PZP: variants seen among roughly 807,000 people sequenced by gnomAD.
PZP encodes pregnancy zone protein.
Under a neutral mutation model 179.8 loss-of-function variants are expected in PZP, and 150 were observed. The observed-to-expected ratio is 0.83, with a 90% CI of 0.73 to 0.96. The LOEUF is 0.96. Ranked by LOEUF, PZP falls within the 40% of genes least tolerant of loss-of-function variation. The probability of loss-of-function intolerance (pLI) is 0.00; values close to 1 mark genes in which losing one functional copy is unlikely to be tolerated. For missense variants in PZP, 1,689 were observed against 1,764.0 expected (o/e 0.96, Z 0.76); for synonymous variants, 624 against 652.3 (o/e 0.96, Z 0.66).
At chr12:9,148,160 ATATATATTCAT>A (rs1272642978), downstream of PZP, among the ~76,000 whole-genome samples, 1 of 152,184 alleles carries the variant, frequency 6.6e-6, no homozygotes, top group African/African-American at 2.4e-5. Context: ...ACGTTTTGAA[ATATATATTCAT>A]TGTAGAATGG....
At chr12:9,184,473 G>C (rs1270434595) in intron 13 of PZP, among the ~76,000 whole-genome samples, 2 of 152,192 alleles carry the variant, frequency 1.3e-5, no homozygotes, top group Non-Finnish European at 2.9e-5. Flanking sequence ...CCAATCCCCT[G>C]AGTCATACTG....
chr12:9,169,503 G>A lies in PZP; in HGVS notation c.1928C>T (p.Pro643Leu), dbSNP rs1363260024. 1 of 1,612,732 alleles carries A rather than the reference G, an allele frequency of 6.2e-7. No individual in the cohort carries two copies. Among genetic ancestry groups the A allele is most frequent in the Non-Finnish European group, 8.5e-7 (1 of 1,179,152 alleles). Residue 643 changes from proline (P) to leucine (L), a missense_variant, in exon 16 of 36, where the codon CCT (proline) becomes CTT (leucine). This residue lies in a region of PZP where 201 missense variants were observed against 284.2 expected (regional missense o/e 0.71). Transcript: ENST00000261336. ...QEEEQGHCPR[P>L]FFIHNGAIYV... ...GATGGCTCCATTATGAATGAAGAAA[G>A]GACGGGGACAGTGTCCTTGTTCTTC...
chr12:9,186,086 A>G (rs765212626), intron 13 of PZP, among the ~76,000 whole-genome samples: 15 of 152,196 alleles, frequency 9.9e-5, no homozygotes, highest in South Asian at 4.2e-4. Flanking sequence ...GATTACAGGT[A>G]TGAGCCACTG....
At chr12:9,192,355 G>T in intron 12 of PZP, 99 bp from the exon 13 acceptor site, 1 of 1,343,546 alleles carries the variant, frequency 7.4e-7, no homozygotes, top group Non-Finnish European at 1.1e-6. Flanking sequence ...AGTCTGTGCT[G>T]GAGAGAATCA....
chr12:9,201,433 G>A, intron 4 of PZP, 86 bp from the exon 5 acceptor site: 1 of 1,026,984 alleles, frequency 9.7e-7, no homozygotes. Flanking sequence ...ACAAACTGAG[G>A]AAGAATATTA....
intron 17 of PZP, chr12:9,168,340 A>T (rs747363825): frequency 1.3e-5 from 2 of 152,366 alleles, no homozygotes; most frequent in Admixed American, 1.3e-4. Context: ...TTCATGAGAG[A>T]GGGATGACAA....
chr12:9,150,792 C>T (rs753909302), intron 33 of PZP, 46 bp from the exon 34 acceptor site: 1 of 1,215,200 alleles, frequency 8.2e-7, no homozygotes, highest in Non-Finnish European at 1.2e-6. Flanking sequence ...AAACCTCCTT[C>T]TTTCTCCCAT....
At position 9,160,398 on chromosome 12, in the gene PZP, T is replaced by C. The variant is rs937515980; in HGVS notation, c.2965A>G (p.Asn989Asp). The change falls in exon 24 of 36, where the codon AAC (asparagine) becomes GAC (aspartate). Residue 989 changes from asparagine (N) to aspartate (D), a missense_variant. This residue lies in a region of PZP where 746 missense variants were observed against 749.2 expected (regional missense o/e 1.00). Coordinates refer to ENST00000261336, the MANE Select transcript of PZP (RefSeq NM_002864.3). Reference protein sequence around the residue: ...GEQNMVLFAPNIYVLNYLNET... With the variant: ...GEQNMVLFAPDIYVLNYLNET... ...TTCAGATAGTTCAAGACATAGATGT[T>C]AGGAGCAAATAGGACCATGTTCTGT... is the stretch of plus-strand genomic sequence containing the variant. 1 of 1,613,946 alleles carries C rather than the reference T, an allele frequency of 6.2e-7. No individual in the cohort carries two copies. The highest frequency in any genetic ancestry group is 1.3e-5 in the African/African-American group (1 of 74,942).
chr12:9,208,198 C>G, intron 1 of PZP, 61 bp downstream of exon 1: 2 of 1,324,392 alleles, frequency 1.5e-6, no homozygotes, highest in Non-Finnish European at 2.2e-6. Flanking sequence ...GAAGGCAAAG[C>G]GAAGACACAA....
intron 15 of PZP, among the ~76,000 whole-genome samples, chr12:9,171,473 C>T (rs781171151): frequency 1.3e-5 from 2 of 152,186 alleles, no homozygotes; most frequent in Non-Finnish European, 2.9e-5. Context: ...ACTGTGACAC[C>T]TCACCAGCAA....
At chr12:9,181,190 T>C in intron 14 of PZP, 58 bp from the exon 15 acceptor site, 6 of 1,607,342 alleles carry the variant, frequency 3.7e-6, no homozygotes, top group Non-Finnish European at 5.1e-6. Flanking sequence ...GATCTTGCAG[T>C]CACCTGCATT....
intron 11 of PZP, 90 bp from the exon 12 acceptor site, chr12:9,192,829 C>G (rs1943538566): frequency 1.1e-6 from 1 of 872,892 alleles, no homozygotes; most frequent in Non-Finnish European, 1.8e-6. Context: ...ACGGTGTCTT[C>G]CACTCTAAAA....
intron 1 of PZP, among the ~76,000 whole-genome samples, chr12:9,207,484 G>T (rs1451402381): frequency 6.6e-6 from 1 of 152,192 alleles, no homozygotes; most frequent in African/African-American, 2.4e-5. Flanking sequence ...TAGTATTTGA[G>T]GCAGGATGCA....
chr12:9,142,255 C>T, the PZP span, among the ~76,000 whole-genome samples: 1 of 152,150 alleles, frequency 6.6e-6, no homozygotes, highest in Non-Finnish European at 1.5e-5. Context: ...TAGGGTATTT[C>T]ACTAAATAGT....
intron 1 of PZP, 39 bp from the exon 2 acceptor site, chr12:9,203,990 G>T: frequency 3.3e-6 from 5 of 1,526,308 alleles, no homozygotes; most frequent in Non-Finnish European, 4.5e-6. Context: ...AAAAACTGAT[G>T]ATAGTAAGCG....
intron 13 of PZP, 66 bp from the exon 14 acceptor site, chr12:9,182,183 C>T: frequency 4.6e-6 from 1 of 217,706 alleles, no homozygotes; most frequent in Non-Finnish European, 7.4e-6. Context: ...AAAATAGTGT[C>T]ATAAGGACAC....
At chr12:9,138,207 G>A in the PZP span, among the ~76,000 whole-genome samples, 1 of 151,900 alleles carries the variant, frequency 6.6e-6, no homozygotes, top group Non-Finnish European at 1.5e-5. Context: ...ATAGTTTCTT[G>A]AGAGTTTTTA....
At chr12:9,156,433 A>T (rs982921613) in intron 28 of PZP, 13 of 155,622 alleles carry the variant, frequency 8.4e-5, no homozygotes, top group Non-Finnish European at 1.7e-4. Context: ...GTAGATAATT[A>T]TGATGGTAGC....
Position 9,196,378 on chromosome 12 carries a change from G to A in PZP, c.1044C>T (p.Phe348=), listed in dbSNP as rs762052052. ...GTCTAAAGTGTGAATCCACTTTCACGAATTTGAGTTTGGATACAATGTTTG... is the reference window on the plus strand; with the variant it reads ...GTCTAAAGTGTGAATCCACTTTCACAAATTTGAGTTTGGATACAATGTTTG... ...EITNIVSKLK[F]VKVDSHFRQG... Residue 348 remains phenylalanine, a synonymous_variant, in exon 10 of 36, where the codon TTC becomes TTT. Coordinates refer to ENST00000261336, the MANE Select transcript of PZP (RefSeq NM_002864.3). 7 of 1,613,642 alleles carry A rather than the reference G, an allele frequency of 4.3e-6. No homozygotes were observed. The highest frequency in any genetic ancestry group is 4.0e-5 in the African/African-American group (3 of 74,894).
Sources: gnomAD v4.1 joint callset for allele counts (sites outside exome capture counted in the v4.1 genomes callset) on GRCh38, gnomAD v4.1.1 for gene constraint, gnomAD v4.1.1 regional missense constraint, MANE v1.5 for transcripts, NCBI Gene and HGNC (gene_info 2026-07-23, HGNC 2026-07-21) for gene names.